Variants in RGS6 observed in about 807,000 individuals in gnomAD.
RGS6 encodes regulator of G protein signaling 6.
RGS6 carries 30 observed loss-of-function variants against 78.5 expected under a neutral mutation model. The ratio of observed to expected loss-of-function variants is 0.38; its 90% CI spans 0.29 to 0.52. The LOEUF (loss-of-function observed/expected upper bound fraction) is 0.52. RGS6 is among the 20% of genes least tolerant of loss of function. The pLI, the probability that RGS6 is intolerant of heterozygous loss-of-function variation, is 0.85. For missense variants in RGS6, 495 were observed against 609.7 expected (o/e 0.81, Z 1.98); for synonymous variants, 206 against 206.0 (o/e 1.00, Z 0.00).
At chr14:72,171,016 A>G (rs2097006941) in intron 2 of RGS6, among the ~76,000 whole-genome samples, 1 of 152,220 alleles carries the variant, frequency 6.6e-6, no homozygotes, top group African/African-American at 2.4e-5. Flanking sequence ...TCTAAAGTTA[A>G]GAAATCTAGG....
intron 2 of RGS6, among the ~76,000 whole-genome samples, chr14:72,028,948 A>G (rs2090384863): frequency 1.3e-5 from 2 of 152,248 alleles, no homozygotes; most frequent in Non-Finnish European, 2.9e-5. Flanking sequence ...CAGAATCTCC[A>G]TAACACATTA....
chr14:72,090,743 C>T (rs1478210264), intron 2 of RGS6, among the ~76,000 whole-genome samples: 4 of 152,168 alleles, frequency 2.6e-5, no homozygotes, highest in Non-Finnish European at 5.9e-5. Context: ...ACAGTTGCCA[C>T]AAAGCTCCCT....
chr14:72,347,958 C>T (rs1227687911), intron 2 of RGS6, among the ~76,000 whole-genome samples: 3 of 152,170 alleles, frequency 2.0e-5, no homozygotes, highest in African/African-American at 7.2e-5. Context: ...ATGTTCAGCT[C>T]AAGATTTAAT....
rs1596006204 is a variant in RGS6 at position 72,341,664 on chromosome 14, C to T, written c.85-10431C>T. On this transcript the variant is annotated intron_variant, in intron 2 of 17. Transcript: ENST00000553525. ...GTGGTGCTGGAAAGGTGGCAGATGC[C>T]GAATGATGGAGGACCTTGAATTCCA... is the stretch of plus-strand genomic sequence containing the variant. Among the ~76,000 whole-genome samples the T allele has an allele frequency of 4.6e-5, 7 of 152,232 alleles. No homozygotes were observed. In the South Asian group the frequency reaches 6.2e-4, roughly 14 times the overall value.
intron 2 of RGS6, among the ~76,000 whole-genome samples, chr14:72,066,219 G>A (rs2094138253): frequency 6.6e-6 from 1 of 152,110 alleles, no homozygotes; most frequent in Non-Finnish European, 1.5e-5. Flanking sequence ...GTTTGACTGT[G>A]GGGAGGGAAC....
At chr14:72,121,848 C>T (rs1179571036) in intron 2 of RGS6, among the ~76,000 whole-genome samples, 1 of 152,118 alleles carries the variant, frequency 6.6e-6, no homozygotes, top group Non-Finnish European at 1.5e-5. Context: ...GTGTCTGCAA[C>T]GGTGCCTTAT....
intron 3 of RGS6, among the ~76,000 whole-genome samples, chr14:72,375,955 A>G (rs1293269045): frequency 1.3e-5 from 2 of 152,186 alleles, no homozygotes; most frequent in Non-Finnish European, 2.9e-5. Context: ...GACACAATAA[A>G]CATGAAAAAG....
chr14:71,989,171 A>G (rs2094848520), intron 2 of RGS6, among the ~76,000 whole-genome samples: 1 of 152,272 alleles, frequency 6.6e-6, no homozygotes, highest in South Asian at 2.1e-4. Flanking sequence ...CACTGAGAGC[A>G]CTGCTGTAAA....
intron 1 of RGS6, among the ~76,000 whole-genome samples, chr14:71,957,923 T>C (rs1056815675): frequency 3.3e-5 from 5 of 151,986 alleles, no homozygotes; most frequent in Non-Finnish European, 7.4e-5. Flanking sequence ...CGCACCACCA[T>C]GCCTGGCTAA....
At chr14:72,419,737 G>A (rs564536221) in intron 3 of RGS6, among the ~76,000 whole-genome samples, 2 of 152,320 alleles carry the variant, frequency 1.3e-5, no homozygotes, top group South Asian at 4.1e-4. Flanking sequence ...GGCAGGTGCT[G>A]AAGAGAAGTA....
chr14:72,321,050 A>G (rs562074289), intron 2 of RGS6, among the ~76,000 whole-genome samples: 7 of 151,394 alleles, frequency 4.6e-5, no homozygotes, highest in Non-Finnish European at 1.0e-4. Context: ...AACATATAAT[A>G]TATATTAAAC....
intron 6 of RGS6, among the ~76,000 whole-genome samples, chr14:72,460,230 A>G (rs970845659): frequency 3.3e-5 from 5 of 152,222 alleles, no homozygotes; most frequent in African/African-American, 1.2e-4. Context: ...CTAGACAGGG[A>G]CCTACAAGAC....
At chr14:72,159,220 C>T (rs141755202) in intron 2 of RGS6, among the ~76,000 whole-genome samples, 4 of 152,228 alleles carry the variant, frequency 2.6e-5, no homozygotes, top group East Asian at 3.9e-4. Flanking sequence ...AGACATTATG[C>T]GAACCATCTC....
At chr14:72,092,175 G>A (rs370011334) in intron 2 of RGS6, among the ~76,000 whole-genome samples, 60 of 151,180 alleles carry the variant, frequency 4.0e-4, no homozygotes, top group African/African-American at 1.3e-3. Context: ...ACAGGTGCAC[G>A]CCACCACACC....
At chr14:72,472,172 G>GAAA (rs5809575) in intron 8 of RGS6, among the ~76,000 whole-genome samples, 331 of 141,550 alleles carry the variant, frequency 2.3e-3, no homozygotes, top group African/African-American at 8.1e-3. Flanking sequence ...GCTTTTTTAA[G>GAAA]AAAAAAAAAA....
chr14:72,307,628 G>C (rs1426054364), intron 2 of RGS6, among the ~76,000 whole-genome samples: 7 of 151,974 alleles, frequency 4.6e-5, no homozygotes, highest in Non-Finnish European at 8.8e-5. Flanking sequence ...ACAAAAATGA[G>C]AATGTTTTAA....
intron 3 of RGS6, among the ~76,000 whole-genome samples, chr14:72,440,358 C>A (rs145098891): frequency 6.6e-6 from 1 of 151,992 alleles, no homozygotes; most frequent in East Asian, 1.9e-4. Context: ...TTATTTCTAG[C>A]AAATGGACTT....
chr14:72,277,930 T>TAATAA (rs1053007020), intron 2 of RGS6, among the ~76,000 whole-genome samples: 4 of 152,164 alleles, frequency 2.6e-5, no homozygotes, highest in South Asian at 2.1e-4. Flanking sequence ...TGTCTCAAAA[T>TAATAA]AATAAAATAA....
the RGS6 span, among the ~76,000 whole-genome samples, chr14:72,617,999 A>G: frequency 6.6e-6 from 1 of 152,182 alleles, no homozygotes; most frequent in Admixed American, 6.5e-5. Context: ...CCTCGGGGCT[A>G]TCTTCCAACA....
Sources: allele counts gnomAD v4.1 joint callset (sites outside exome capture counted in the v4.1 genomes callset), GRCh38; gene constraint gnomAD v4.1.1; transcripts MANE v1.5; gene names NCBI Gene and HGNC (gene_info 2026-07-23, HGNC 2026-07-21).